TDRD5: variants seen among roughly 807,000 people sequenced by gnomAD.
The protein encoded by TDRD5 is tudor domain-containing protein 5.
Under a neutral mutation model 120.6 loss-of-function variants are expected in TDRD5, and 41 were observed. That is an observed-to-expected ratio of 0.34 (90% CI 0.26 to 0.44). The LOEUF is 0.44. Among genes scored for constraint, TDRD5 ranks in the 20% least tolerant of loss-of-function variants. TDRD5 has a pLI of 1.00. For missense variants in TDRD5, 1,006 were observed against 1,221.2 expected (o/e 0.82, Z 2.63); for synonymous variants, 430 against 433.7 (o/e 0.99, Z 0.11).
chr1:179,685,288 TATTA>T (rs1227888791), intron 17 of TDRD5, among the ~76,000 whole-genome samples: 5 of 152,234 alleles, frequency 3.3e-5, no homozygotes, highest in Admixed American at 6.5e-5. Context: ...CAGCACCATT[TATTA>T]AATAGGGAAT....
At chr1:179,615,469 C>T (rs1028114224) in intron 4 of TDRD5, among the ~76,000 whole-genome samples, 23 of 152,144 alleles carry the variant, frequency 1.5e-4, no homozygotes, top group Middle Eastern at 3.4e-3. Flanking sequence ...TGATTGAAAG[C>T]TCTTTCTCTT....
chr1:179,597,033 G>T (rs1383890865), intron 4 of TDRD5, among the ~76,000 whole-genome samples: 1 of 152,102 alleles, frequency 6.6e-6, no homozygotes, highest in Non-Finnish European at 1.5e-5. Flanking sequence ...TTTTAAGTTG[G>T]ATCATAATAA....
chr1:179,662,428 C>G, intron 15 of TDRD5, 142 bp downstream of exon 15: 1 of 793,374 alleles, frequency 1.3e-6, no homozygotes, highest in Non-Finnish European at 1.9e-6. Context: ...TGGTGAGACC[C>G]TGTCTCTACT....
At chr1:179,640,503 A>G in intron 11 of TDRD5, 58 bp downstream of exon 11, 5 of 1,524,480 alleles carry the variant, frequency 3.3e-6, no homozygotes, top group African/African-American at 1.4e-5. Flanking sequence ...TTATGTGCCA[A>G]TAACAGTTTC....
Position 179,639,469 on chromosome 1 carries a change from GC to G in TDRD5, c.1521-369del, listed in dbSNP as rs1291831496. Among the ~76,000 whole-genome samples the G allele has an allele frequency of 4.6e-5, 7 of 152,322 alleles. No individual in the cohort carries two copies. The East Asian group carries it at 1.2e-3, about 25-fold the overall frequency. On this transcript the variant is annotated intron_variant, in intron 9 of 17. Coordinates refer to ENST00000444136, the MANE Select transcript of TDRD5 (RefSeq NM_001199085.3). Reference sequence around the variant, plus strand: ...GTTTGAAACAGGATAGGGTAACGCTGCAGCAAGATAATGTGTATTGAAGGCT... The same window carrying G: ...GTTTGAAACAGGATAGGGTAACGCTGAGCAAGATAATGTGTATTGAAGGCT...
At chr1:179,616,191 G>A (rs1676555153) in intron 4 of TDRD5, among the ~76,000 whole-genome samples, 1 of 152,026 alleles carries the variant, frequency 6.6e-6, no homozygotes, top group Non-Finnish European at 1.5e-5. Flanking sequence ...TCACCATCCT[G>A]CCATTTACCT....
intron 4 of TDRD5, among the ~76,000 whole-genome samples, chr1:179,611,043 T>C (rs369850701): frequency 1.4e-4 from 21 of 152,148 alleles, no homozygotes; most frequent in African/African-American, 4.8e-4. Context: ...ATTGTATTCT[T>C]AGATATTGTA....
intron 4 of TDRD5, among the ~76,000 whole-genome samples, chr1:179,597,766 A>G (rs1675483953): frequency 6.6e-6 from 1 of 152,200 alleles, no homozygotes; most frequent in Admixed American, 6.5e-5. Flanking sequence ...AGATTTGCCT[A>G]AGGTACCAGG....
intron 11 of TDRD5, among the ~76,000 whole-genome samples, chr1:179,647,254 T>C (rs1368247098): frequency 7.3e-6 from 1 of 137,052 alleles, no homozygotes; most frequent in Non-Finnish European, 1.6e-5. Context: ...AAAACAGAGA[T>C]ATAGATCAAT....
At chr1:179,676,243 C>T (rs1680140979) in intron 17 of TDRD5, among the ~76,000 whole-genome samples, 2 of 152,050 alleles carry the variant, frequency 1.3e-5, no homozygotes, top group Non-Finnish European at 1.5e-5. Context: ...TCTGTGAGTC[C>T]TTATGTGTTA....
At chr1:179,598,368 G>A (rs1036381438) in intron 4 of TDRD5, among the ~76,000 whole-genome samples, 8 of 152,128 alleles carry the variant, frequency 5.3e-5, no homozygotes, top group Non-Finnish European at 1.0e-4. Flanking sequence ...CATTTAATTT[G>A]ATACAAATCA....
chr1:179,655,856 C>CT (rs1362688571), intron 14 of TDRD5, among the ~76,000 whole-genome samples: 2 of 152,194 alleles, frequency 1.3e-5, no homozygotes, highest in African/African-American at 4.8e-5. Context: ...TATACCCATT[C>CT]ACCCATTGAA....
chr1:179,690,617 A>G lies in TDRD5; in HGVS notation c.2861-79A>G, dbSNP rs1400461582. ...GAAAATGATTGTAACACATATTAGT[A>G]TAGAACTAGAATGGGGGAGAGGAGG... On this transcript the variant is annotated intron_variant, in intron 17 of 17. Coordinates refer to ENST00000444136, the MANE Select transcript of TDRD5 (RefSeq NM_001199085.3). The G allele has an allele frequency of 1.4e-5, 22 of 1,534,170 alleles. No individual in the cohort carries two copies. In the South Asian group the frequency reaches 1.9e-4, roughly 14 times the overall value.
chr1:179,654,024 CATTGGCCGGA>C (rs1678860918), intron 13 of TDRD5, among the ~76,000 whole-genome samples, 167 bp from the exon 14 acceptor site: 1 of 152,134 alleles, frequency 6.6e-6, no homozygotes, highest in Non-Finnish European at 1.5e-5. Flanking sequence ...AATAAATGTT[CATTGGCCGGA>C]ACTAGGGTAG....
intron 11 of TDRD5, among the ~76,000 whole-genome samples, chr1:179,650,364 G>A (rs1208539388): frequency 2.9e-5 from 4 of 137,156 alleles, no homozygotes; most frequent in African/African-American, 8.3e-5. Context: ...TCACGCCATT[G>A]CACTCCAGCC....
chr1:179,680,115 G>A (rs1272560261), intron 17 of TDRD5, among the ~76,000 whole-genome samples: 2 of 151,988 alleles, frequency 1.3e-5, no homozygotes, highest in Middle Eastern at 3.2e-3. Context: ...ATACTTGGGG[G>A]TTTTCCAGAT....
intron 17 of TDRD5, among the ~76,000 whole-genome samples, chr1:179,682,718 G>A (rs775233162): frequency 7.9e-5 from 12 of 151,012 alleles, no homozygotes; most frequent in Non-Finnish European, 1.2e-4. Context: ...TTCCTTTTAG[G>A]TTTATTAGGC....
chr1:179,602,834 T>C (rs1020129036), intron 4 of TDRD5, among the ~76,000 whole-genome samples: 1 of 152,216 alleles, frequency 6.6e-6, no homozygotes, highest in African/African-American at 2.4e-5. Flanking sequence ...TTGTTCTTTT[T>C]GCTTAGTCTT....
intron 17 of TDRD5, among the ~76,000 whole-genome samples, chr1:179,688,871 C>T (rs949005514): frequency 6.6e-6 from 1 of 152,218 alleles, no homozygotes; most frequent in South Asian, 2.1e-4. Flanking sequence ...TCACGCAGTT[C>T]TCATACCATG....
Sources: gnomAD v4.1 joint callset for allele counts (sites outside exome capture counted in the v4.1 genomes callset) on GRCh38, gnomAD v4.1.1 for gene constraint, MANE v1.5 for transcripts, NCBI Gene and HGNC (gene_info 2026-07-23, HGNC 2026-07-21) for gene names.